The following ADGRV1 variants were observed in gnomAD, a reference collection of about 807,000 sequenced individuals.
ADGRV1 encodes the protein adhesion G protein-coupled receptor V1, also known as G-protein coupled receptor 98.
Under a neutral mutation model 596.2 loss-of-function variants are expected in ADGRV1, and 359 were observed. The observed-to-expected ratio is 0.60, with a 90% confidence interval of 0.55 to 0.66. The LOEUF is 0.66. Among genes scored for constraint, ADGRV1 ranks in the 30% least tolerant of loss-of-function variants. The pLI, the probability that ADGRV1 is intolerant of heterozygous loss-of-function variation, is 0.00. For missense variants in ADGRV1, 7,274 were observed against 7,575.6 expected, an observed-to-expected ratio of 0.96 and a Z score of 1.48; for synonymous variants, 2,681 against 2,679.2, an observed-to-expected ratio of 1.00 and a Z score of -0.02.
At chr5:90,954,280 T>C (rs1777290884) in intron 83 of ADGRV1, among the ~76,000 whole-genome samples, 1 of 151,952 alleles carries the variant, frequency 6.6e-6, no homozygotes, top group African/African-American at 2.4e-5. Flanking sequence ...CTTTGATTTG[T>C]ATATATGTGC....
At chr5:90,708,740 A>T in intron 38 of ADGRV1, 76 bp from the exon 39 acceptor site, 1 of 901,448 alleles carries the variant, frequency 1.1e-6, no homozygotes, top group Non-Finnish European at 1.7e-6. Context: ...TATACAGTTT[A>T]ATTTAAAAAC....
At chr5:90,822,702 C>G (rs978545561) in intron 75 of ADGRV1, among the ~76,000 whole-genome samples, 2 of 152,160 alleles carry the variant, frequency 1.3e-5, no homozygotes, top group Non-Finnish European at 1.5e-5. Context: ...GGCATTGAAT[C>G]TATAAATTAC....
chr5:90,956,502 G>C (rs972644330), intron 83 of ADGRV1, among the ~76,000 whole-genome samples: 5 of 152,146 alleles, frequency 3.3e-5, no homozygotes, highest in Non-Finnish European at 5.9e-5. Context: ...AGACTGTTTT[G>C]TTTCCACAGA....
chr5:90,566,052 G>C (rs559781821), intron 1 of ADGRV1, among the ~76,000 whole-genome samples: 1 of 151,538 alleles, frequency 6.6e-6, no homozygotes, highest in South Asian at 2.1e-4. Context: ...AGAGTTCTTC[G>C]CATACTCTAG....
At chr5:90,885,003 G>A (rs576879359) in intron 83 of ADGRV1, among the ~76,000 whole-genome samples, 58 of 152,254 alleles carry the variant, frequency 3.8e-4, no homozygotes, top group African/African-American at 1.2e-3. Context: ...GCCCACAATC[G>A]TGGTATGTAT....
intron 64 of ADGRV1, 69 bp downstream of exon 64, chr5:90,779,166 T>C (rs1348896957): frequency 3.4e-6 from 3 of 895,138 alleles, no homozygotes; most frequent in Non-Finnish European, 3.5e-6. Context: ...TTCTATTGTG[T>C]AGAGATTAAT....
At chr5:90,768,743 C>T (rs776363673) in intron 59 of ADGRV1, among the ~76,000 whole-genome samples, 5 of 152,102 alleles carry the variant, frequency 3.3e-5, no homozygotes, top group Non-Finnish European at 7.3e-5. Flanking sequence ...TACAACTCTC[C>T]GGAACTGATG....
intron 70 of ADGRV1, among the ~76,000 whole-genome samples, chr5:90,795,013 A>G (rs965980102): frequency 3.3e-5 from 5 of 151,360 alleles, no homozygotes; most frequent in Admixed American, 3.3e-4. Context: ...TCTGGTGCCT[A>G]CACCACCAGG....
chr5:90,863,925 C>A, intron 83 of ADGRV1, 68 bp downstream of exon 83: 1 of 1,045,396 alleles, frequency 9.6e-7, no homozygotes, highest in Non-Finnish European at 1.5e-6. Context: ...GGTTCTTGAA[C>A]TGAGTGTAAA....
At chr5:90,808,237 G>A (rs1032824331) in intron 73 of ADGRV1, among the ~76,000 whole-genome samples, 7 of 152,126 alleles carry the variant, frequency 4.6e-5, no homozygotes, top group Non-Finnish European at 8.8e-5. Flanking sequence ...ATACGTACCA[G>A]CCAAAAGCAA....
At position 90,759,465 on chromosome 5, in the gene ADGRV1, G is replaced by C. The variant is rs1756218590; in HGVS notation, c.11997G>C (p.Glu3999Asp). 1 of 1,601,226 alleles carries C rather than the reference G, an allele frequency of 6.2e-7. No homozygotes were observed. The highest frequency in any genetic ancestry group is 1.3e-5 in the African/African-American group (1 of 74,814). The change falls in exon 58 of 90, where the codon GAG (glutamate) becomes GAC (aspartate). Residue 3999 changes from glutamate to aspartate, a missense_variant. Around this residue, in one of 5 missense-constraint regions of ADGRV1, gnomAD observed 3,643 missense variants for 3,809.2 expected, o/e 0.96. Transcript: ENST00000405460. ...ATGATGCTGAATTTGAATTGACAGA[G>C]ACGTTCAATATTTCCTTGATCAGTG... ...IIDDAEFELT[E>D]TFNISLISVA...
chr5:90,783,237 G>T lies in ADGRV1; in HGVS notation c.13345G>T (p.Asp4449Tyr), dbSNP rs1759051057. ...QSSSASPGGV[D>Y]YILHGSTVTF... ...CTCCTCTGCCAGTCCCGGAGGTGTT[G>T]ATTACATTTTGCATGGCAGTACAGT... Residue 4449 changes from aspartate (D) to tyrosine (Y), a missense_variant, in exon 66 of 90, where the codon GAT (aspartate) becomes TAT (tyrosine). By Grantham distance (160) the Asp-to-Tyr change is radical (BLOSUM62 -3). Around this residue, in one of 5 missense-constraint regions of ADGRV1, gnomAD observed 3,643 missense variants for 3,809.2 expected, o/e 0.96. Coordinates refer to ENST00000405460, the MANE Select transcript of ADGRV1 (RefSeq NM_032119.4). 6.2e-7 allele frequency: 1 copy of T among 1,613,658 alleles called. No homozygotes were observed. Among genetic ancestry groups the T allele is most frequent in the Admixed American group, 1.7e-5 (1 of 59,998 alleles).
chr5:90,707,592 T>C (rs1748774543), intron 38 of ADGRV1, among the ~76,000 whole-genome samples: 1 of 152,178 alleles, frequency 6.6e-6, no homozygotes, highest in Admixed American at 6.5e-5. Context: ...TGTCAGTATA[T>C]GGGATATAAC....
intron 2 of ADGRV1, among the ~76,000 whole-genome samples, chr5:90,615,714 A>G (rs1026891522): frequency 1.3e-5 from 2 of 151,960 alleles, no homozygotes; most frequent in South Asian, 2.1e-4. Flanking sequence ...AAAATGACCT[A>G]TGAACGAATC....
chr5:90,936,270 T>TAA (rs1775676689), intron 83 of ADGRV1, among the ~76,000 whole-genome samples: 1 of 152,098 alleles, frequency 6.6e-6, no homozygotes, highest in South Asian at 2.1e-4. Flanking sequence ...ATTTCTAACA[T>TAA]TAATTATGGT....
intron 59 of ADGRV1, among the ~76,000 whole-genome samples, chr5:90,765,454 C>A (rs1757007179): frequency 6.7e-6 from 1 of 149,874 alleles, no homozygotes; most frequent in African/African-American, 2.5e-5. Flanking sequence ...CACACACACA[C>A]ACACACACAC....
chr5:90,760,703 C>G (rs1043335480), intron 58 of ADGRV1, among the ~76,000 whole-genome samples: 1 of 152,150 alleles, frequency 6.6e-6, no homozygotes, highest in Non-Finnish European at 1.5e-5. Context: ...TTTCTTCTCT[C>G]TTACTTCTCA....
intron 7 of ADGRV1, among the ~76,000 whole-genome samples, chr5:90,628,242 A>AAATAAAATAAAATAG (rs2149379994): frequency 6.6e-6 from 1 of 151,588 alleles, no homozygotes; most frequent in African/African-American, 2.4e-5. Context: ...AAATAAAATA[A>AAATAAAATAAAATAG]AATAAAATAA....
At chr5:90,664,856 T>C (rs1319641511) in intron 21 of ADGRV1, among the ~76,000 whole-genome samples, 1 of 149,360 alleles carries the variant, frequency 6.7e-6, no homozygotes, top group Non-Finnish European at 1.5e-5. Context: ...GCCTTTTCTG[T>C]ATCTATTGAG....
Sources: allele counts gnomAD v4.1 joint callset (sites outside exome capture counted in the v4.1 genomes callset), GRCh38; gene constraint gnomAD v4.1.1; regional missense constraint gnomAD v4.1.1; transcripts MANE v1.5; gene names NCBI Gene and HGNC (gene_info 2026-07-23, HGNC 2026-07-21).